NRG3: variants seen among roughly 807,000 people sequenced by gnomAD.
NRG3 encodes neuregulin 3.
A neutral mutation model predicts 66.9 loss-of-function variants in NRG3; 31 were observed. That is an observed-to-expected ratio of 0.46 (90% confidence interval 0.35 to 0.63). The LOEUF (loss-of-function observed/expected upper bound fraction) is 0.63. Ranked by LOEUF, NRG3 falls within the 20% of genes least tolerant of loss-of-function variation. The probability of loss-of-function intolerance (pLI) is 0.00; values close to 1 mark genes in which losing one functional copy is unlikely to be tolerated. For missense variants in NRG3, 910 were observed against 878.9 expected, an observed-to-expected ratio of 1.04 and a Z score of -0.45; for synonymous variants, 393 against 359.4, an observed-to-expected ratio of 1.09 and a Z score of -1.06.
intron 2 of NRG3, among the ~76,000 whole-genome samples, chr10:82,448,428 G>T (rs909489058): frequency 5.3e-5 from 8 of 152,174 alleles, no homozygotes; most frequent in African/African-American, 1.7e-4. Flanking sequence ...TACATTTACA[G>T]AGTATTTTCT....
intron 1 of NRG3, among the ~76,000 whole-genome samples, chr10:82,024,762 C>G (rs1259544383): frequency 1.3e-5 from 2 of 152,112 alleles, no homozygotes; most frequent in African/African-American, 2.4e-5. Flanking sequence ...TAGATCATTT[C>G]TAACCCCCTT....
chr10:82,500,268 A>G (rs1215967009), intron 2 of NRG3, among the ~76,000 whole-genome samples: 1 of 152,130 alleles, frequency 6.6e-6, no homozygotes, highest in Non-Finnish European at 1.5e-5. Context: ...TTTAATGATT[A>G]CTGGCTCCAT....
chr10:82,091,432 G>A (rs2066021367), intron 1 of NRG3, among the ~76,000 whole-genome samples: 1 of 152,116 alleles, frequency 6.6e-6, no homozygotes, highest in Non-Finnish European at 1.5e-5. Flanking sequence ...GTCCTTCAGT[G>A]TCTGGTGTAT....
At position 82,041,116 on chromosome 10, in the gene NRG3, A is replaced by G. The variant is rs147634118; in HGVS notation, c.823+164953A>G. 3.7e-3 allele frequency among the ~76,000 whole-genome samples: 567 copies of G among 152,246 alleles called. 3 individuals carry two copies. Among genetic ancestry groups the G allele is most frequent in the Non-Finnish European group, 6.6e-3 (449 of 68,008 alleles). On this transcript the variant is annotated intron_variant, in intron 1 of 8. Transcript: ENST00000372141. ...TTAAACTATGTCATTCGCATTTGAA[A>G]ATACCATGACTACAGGCCTTACAAA...
At chr10:82,610,770 A>G (rs561342168) in intron 2 of NRG3, among the ~76,000 whole-genome samples, 1 of 152,284 alleles carries the variant, frequency 6.6e-6, no homozygotes, top group African/African-American at 2.4e-5. Context: ...GGAGTTATGT[A>G]TGACTTTGAT....
At chr10:82,101,942 C>A (rs548600671) in intron 1 of NRG3, among the ~76,000 whole-genome samples, 1 of 148,972 alleles carries the variant, frequency 6.7e-6, no homozygotes, top group Non-Finnish European at 1.5e-5. Context: ...GGGACTTTTC[C>A]ATATCTCCTT....
chr10:82,863,834 C>A (rs2064273599), intron 3 of NRG3, among the ~76,000 whole-genome samples: 1 of 152,138 alleles, frequency 6.6e-6, no homozygotes, highest in Admixed American at 6.6e-5. Context: ...ATGACCATAG[C>A]TTTTTCTCCA....
intron 2 of NRG3, among the ~76,000 whole-genome samples, chr10:82,623,148 T>C (rs185572205): frequency 8.1e-4 from 123 of 152,314 alleles, no homozygotes; most frequent in African/African-American, 2.7e-3. Flanking sequence ...AGGCATTCTA[T>C]TGTTTCTCTT....
intron 1 of NRG3, among the ~76,000 whole-genome samples, chr10:81,962,425 G>A (rs1850451165): frequency 1.3e-5 from 2 of 152,142 alleles, no homozygotes; most frequent in Non-Finnish European, 2.9e-5. Flanking sequence ...TGATAGTAAT[G>A]TATAGGGTTT....
intron 1 of NRG3, among the ~76,000 whole-genome samples, chr10:82,292,923 G>A (rs2079831554): frequency 6.6e-6 from 1 of 152,226 alleles, no homozygotes; most frequent in Admixed American, 6.5e-5. Context: ...GGGTGTCAAT[G>A]TCAACAGCTT....
At chr10:82,926,755 C>T (rs967630481) in intron 4 of NRG3, among the ~76,000 whole-genome samples, 7 of 152,138 alleles carry the variant, frequency 4.6e-5, no homozygotes, top group Non-Finnish European at 1.0e-4. Context: ...AACTTTGAGG[C>T]CTGGCCTCTC....
At chr10:82,845,128 C>T (rs1003530591) in intron 3 of NRG3, among the ~76,000 whole-genome samples, 1 of 152,074 alleles carries the variant, frequency 6.6e-6, no homozygotes, top group East Asian at 1.9e-4. Flanking sequence ...GCACTCCAGC[C>T]TGGGCGATAA....
chr10:82,309,987 C>T (rs1489650034), intron 1 of NRG3, among the ~76,000 whole-genome samples: 1 of 152,082 alleles, frequency 6.6e-6, no homozygotes, highest in Non-Finnish European at 1.5e-5. Flanking sequence ...AAATTATTTC[C>T]CCAACCACAC....
At position 82,348,348 on chromosome 10, in the gene NRG3, A is replaced by C. The variant is rs1239018619; in HGVS notation, c.824-10391A>C. On this transcript the variant is annotated intron_variant, in intron 1 of 8. Transcript: ENST00000372141. ...ATGAAGCTTAGTTTGGCTGGATATGAAATTCTGGGTTGAAAATTCTTTTCT... is the reference window on the plus strand; with the variant it reads ...ATGAAGCTTAGTTTGGCTGGATATGCAATTCTGGGTTGAAAATTCTTTTCT... Among the ~76,000 whole-genome samples, 29 of 146,718 alleles carry C rather than the reference A, an allele frequency of 2.0e-4. No homozygotes were observed. The South Asian group carries it at 3.9e-3, about 20-fold the overall frequency.
At chr10:81,911,718 TC>T (rs200867537) in intron 1 of NRG3, among the ~76,000 whole-genome samples, 1,510 of 138,212 alleles carry the variant, frequency 0.011, 33 homozygotes, top group African/African-American at 0.04. Flanking sequence ...CTCCAACCTT[TC>T]CCCGTTACCA....
At chr10:82,078,436 C>T (rs912589112) in intron 1 of NRG3, among the ~76,000 whole-genome samples, 8 of 152,148 alleles carry the variant, frequency 5.3e-5, no homozygotes, top group Admixed American at 2.6e-4. Context: ...CTGCAAGCTC[C>T]GCCTCCCGCG....
intron 1 of NRG3, among the ~76,000 whole-genome samples, chr10:82,343,948 T>C (rs1211301753): frequency 6.6e-6 from 1 of 152,150 alleles, no homozygotes; most frequent in African/African-American, 2.4e-5. Context: ...ACTTATTAAA[T>C]ATTTTGAACA....
intron 2 of NRG3, among the ~76,000 whole-genome samples, chr10:82,565,631 C>T (rs985731849): frequency 6.6e-6 from 1 of 152,076 alleles, no homozygotes; most frequent in African/African-American, 2.4e-5. Flanking sequence ...GGCACTACCA[C>T]TCTCAGGCTT....
At chr10:82,769,245 T>C (rs2059625954) in intron 3 of NRG3, among the ~76,000 whole-genome samples, 1 of 152,128 alleles carries the variant, frequency 6.6e-6, no homozygotes, top group African/African-American at 2.4e-5. Context: ...GTGACTTCTA[T>C]TCTTTTTACC....
Sources: gnomAD v4.1 joint callset for allele counts (sites outside exome capture counted in the v4.1 genomes callset) on GRCh38, gnomAD v4.1.1 for gene constraint, MANE v1.5 for transcripts, NCBI Gene and HGNC (gene_info 2026-07-23, HGNC 2026-07-21) for gene names.